The following MYOCD variants were observed in gnomAD, a reference collection of about 807,000 sequenced individuals.
MYOCD encodes the protein myocardin.
Under a neutral mutation model 96.1 loss-of-function variants are expected in MYOCD, and 32 were observed. The ratio of observed to expected loss-of-function variants is 0.33; its 90% CI spans 0.25 to 0.45. MYOCD has a LOEUF of 0.45. Ranked by LOEUF, MYOCD falls within the 20% of genes least tolerant of loss-of-function variation. MYOCD has a pLI of 1.00. For missense variants in MYOCD, 1,133 were observed against 1,200.6 expected (o/e 0.94, Z 0.83); for synonymous variants, 469 against 469.0 (o/e 1.00, Z 0.00).
At chr17:12,739,170 A>G in intron 6 of MYOCD, 33 bp from the exon 7 acceptor site, 6 of 1,587,458 alleles carry the variant, frequency 3.8e-6, no homozygotes, top group Middle Eastern at 1.7e-4. Context: ...TTATTCCTGT[A>G]TCTTCCTAAT....
intron 8 of MYOCD, 114 bp downstream of exon 8, chr17:12,744,550 T>C (rs2032608085): frequency 1.5e-6 from 2 of 1,368,916 alleles, no homozygotes; most frequent in African/African-American, 1.5e-5. Context: ...CACCATTTCC[T>C]CATCCAGTAT....
At chr17:12,749,038 T>C (rs2032750953) in intron 9 of MYOCD, among the ~76,000 whole-genome samples, 1 of 152,246 alleles carries the variant, frequency 6.6e-6, no homozygotes, top group African/African-American at 2.4e-5. Flanking sequence ...AAACATTTTG[T>C]TTTAAAATAA....
intron 8 of MYOCD, among the ~76,000 whole-genome samples, chr17:12,744,705 T>C (rs936879778): frequency 6.6e-6 from 1 of 152,236 alleles, no homozygotes; most frequent in Non-Finnish European, 1.5e-5. Flanking sequence ...TACTGAACTC[T>C]ACATATACTG....
intron 2 of MYOCD, among the ~76,000 whole-genome samples, chr17:12,711,312 A>T (rs2031474707): frequency 6.6e-6 from 1 of 152,210 alleles, no homozygotes; most frequent in Admixed American, 6.5e-5. Context: ...GGCTTACTCA[A>T]GGTTATACCA....
intron 5 of MYOCD, 44 bp downstream of exon 5, chr17:12,723,052 T>C: frequency 1.3e-6 from 2 of 1,572,264 alleles, no homozygotes; most frequent in Non-Finnish European, 1.7e-6. Context: ...GCTATTGAGA[T>C]CTGAGGGCAG....
At chr17:12,739,933 TC>T (rs1164599432) in intron 7 of MYOCD, among the ~76,000 whole-genome samples, 1 of 152,136 alleles carries the variant, frequency 6.6e-6, no homozygotes, top group Non-Finnish European at 1.5e-5. Context: ...TGATTTTTTT[TC>T]TTTTTCTTTT....
intron 5 of MYOCD, 66 bp downstream of exon 5, chr17:12,723,074 G>T: frequency 6.7e-7 from 1 of 1,481,820 alleles, no homozygotes; most frequent in South Asian, 1.3e-5. Context: ...CCGGAGCTCT[G>T]ACATACTAGG....
intron 2 of MYOCD, among the ~76,000 whole-genome samples, chr17:12,708,838 CTGA>C (rs2031388711): frequency 6.6e-6 from 1 of 152,196 alleles, no homozygotes; most frequent in African/African-American, 2.4e-5. Context: ...CCTGTGTCTC[CTGA>C]TCCCCGCCTA....
At position 12,752,868 on chromosome 17, in the gene MYOCD, T is replaced by C. The variant is rs1223723153; in HGVS notation, c.1580T>C (p.Val527Ala). ...KDKMLVEKQKVINELTWKLQQ... is the reference protein window; with the variant it reads ...KDKMLVEKQKAINELTWKLQQ... ...AAGATGCTGGTGGAGAAGCAGAAGG[T>C]GATCAATGAACTCACCTGGAAACTC... The change falls in exon 10 of 14, where the codon GTG (valine) becomes GCG (alanine). Residue 527 changes from valine (V) to alanine (A), a missense_variant. Val to Ala is a moderately conservative substitution (Grantham distance 64, BLOSUM62 0). Coordinates refer to ENST00000425538, the MANE Select transcript of MYOCD (RefSeq NM_001146312.3). The C allele has an allele frequency of 1.2e-6, 2 of 1,613,030 alleles. No individual in the cohort carries two copies. The highest frequency in any genetic ancestry group is 1.7e-5 in the Admixed American group (1 of 59,874).
In MYOCD at chr17:12,722,972, C is replaced by A. The variant is rs1438476098; in HGVS notation, c.379C>A (p.Leu127Ile). 6.2e-7 allele frequency: 1 copy of A among 1,613,962 alleles called. No homozygotes were observed. Among genetic ancestry groups the A allele is most frequent in the Admixed American group, 1.7e-5 (1 of 59,982 alleles). ...GPLELVEKNILPVDSAVKEAI... is the reference protein window; with the variant it reads ...GPLELVEKNIIPVDSAVKEAI... ...ACTGGAGCTGGTGGAAAAAAACATTCTTCCTGTGGATTCTGCTGTGAAAGA... is the reference window on the plus strand; with the variant it reads ...ACTGGAGCTGGTGGAAAAAAACATTATTCCTGTGGATTCTGCTGTGAAAGA... Residue 127 changes from leucine to isoleucine, a missense_variant, in exon 5 of 14, where the codon CTT (leucine) becomes ATT (isoleucine). Coordinates refer to ENST00000425538, the MANE Select transcript of MYOCD (RefSeq NM_001146312.3).
At chr17:12,678,862 AT>A (rs1489399649) in intron 1 of MYOCD, among the ~76,000 whole-genome samples, 24 of 138,312 alleles carry the variant, frequency 1.7e-4, no homozygotes, top group Non-Finnish European at 6.3e-5. Context: ...CACCTGGCTA[AT>A]TTTTTGTATT....
chr17:12,732,397 G>A (rs747392611), intron 5 of MYOCD, among the ~76,000 whole-genome samples: 53 of 151,958 alleles, frequency 3.5e-4, no homozygotes, highest in Non-Finnish European at 6.8e-4. Flanking sequence ...CCTGTCCACC[G>A]CTGACAGTCA....
chr17:12,671,074 C>A (rs1349540402), intron 1 of MYOCD, among the ~76,000 whole-genome samples: 2 of 152,116 alleles, frequency 1.3e-5, no homozygotes, highest in Non-Finnish European at 2.9e-5. Context: ...CAGACTAAAC[C>A]TTTTACTTGT....
At chr17:12,697,353 A>ATT (rs1567576166) in intron 1 of MYOCD, among the ~76,000 whole-genome samples, 2 of 86,834 alleles carry the variant, frequency 2.3e-5, no homozygotes, top group African/African-American at 1.1e-4. Flanking sequence ...ATATATATAT[A>ATT]TATATATTTT....
At chr17:12,668,006 T>C (rs1909469500) in intron 1 of MYOCD, among the ~76,000 whole-genome samples, 1 of 152,206 alleles carries the variant, frequency 6.6e-6, no homozygotes, top group Admixed American at 6.5e-5. Flanking sequence ...ATTGATAGTC[T>C]CTTGACAGAC....
At chr17:12,715,985 A>G (rs2031628349) in intron 3 of MYOCD, among the ~76,000 whole-genome samples, 1 of 152,196 alleles carries the variant, frequency 6.6e-6, no homozygotes, top group Non-Finnish European at 1.5e-5. Flanking sequence ...TACAGAACTC[A>G]TTTGTAGCTA....
intron 7 of MYOCD, among the ~76,000 whole-genome samples, chr17:12,740,779 C>T (rs1456530471): frequency 6.6e-6 from 1 of 151,940 alleles, no homozygotes; most frequent in Non-Finnish European, 1.5e-5. Context: ...ACTCTTGTTG[C>T]CCAGGCTGGA....
chr17:12,688,452 CCTTCCTTCCTTCCTTCCATCTT>C lies in MYOCD; in HGVS notation c.56-16654_56-16633del, dbSNP rs1233162931. Among the ~76,000 whole-genome samples, 5 of 151,452 alleles carry C rather than the reference CCTTCCTTCCTTCCTTCCATCTT, an allele frequency of 3.3e-5. 1 individual carries two copies. The South Asian group carries it at 6.4e-4, about 19-fold the overall frequency. ...TTCCTTCCTTTCCTTCCTTCCATCTCCTTCCTTCCTTCCTTCCATCTTCTTCCTTCCTTCCTTCCATCTCCTT... is the reference window on the plus strand; with the variant it reads ...TTCCTTCCTTTCCTTCCTTCCATCTCCTTCCTTCCTTCCTTCCATCTCCTT... On this transcript the variant is annotated intron_variant, in intron 1 of 13. Coordinates refer to ENST00000425538, the MANE Select transcript of MYOCD (RefSeq NM_001146312.3).
intron 1 of MYOCD, among the ~76,000 whole-genome samples, chr17:12,693,600 ACT>A (rs1241364466): frequency 6.8e-6 from 1 of 147,874 alleles, no homozygotes; most frequent in Admixed American, 6.8e-5. Flanking sequence ...TCGCAGAGAG[ACT>A]CTGTCTCAAA....
Sources: gnomAD v4.1 joint callset for allele counts (sites outside exome capture counted in the v4.1 genomes callset) on GRCh38, gnomAD v4.1.1 for gene constraint, MANE v1.5 for transcripts, NCBI Gene and HGNC (gene_info 2026-07-23, HGNC 2026-07-21) for gene names.